KCNAB2: variants seen among roughly 807,000 people sequenced by gnomAD.
KCNAB2 encodes the protein potassium voltage-gated channel subfamily A regulatory beta subunit 2, also known as voltage-gated potassium channel subunit beta-2.
In KCNAB2, 29 loss-of-function variants were observed where a neutral mutation model predicts 63.6. The observed-to-expected ratio is 0.46, with a 90% CI of 0.34 to 0.62. The LOEUF (loss-of-function observed/expected upper bound fraction) is 0.62, where lower values mean the gene tolerates loss of function less well. KCNAB2 is among the 20% of genes least tolerant of loss of function. KCNAB2 has a pLI of 0.01. For missense variants in KCNAB2, 359 were observed against 563.9 expected (o/e 0.64, Z 3.68); for synonymous variants, 222 against 224.2 (o/e 0.99, Z 0.09).
chr1:6,014,211 CT>C (rs978104974), intron 1 of KCNAB2, among the ~76,000 whole-genome samples: 2 of 152,238 alleles, frequency 1.3e-5, no homozygotes, highest in Non-Finnish European at 1.5e-5. Context: ...GGGTGTCCTT[CT>C]CCTGCACCCA....
At chr1:6,043,712 T>TA (rs1182062411), upstream of KCNAB2, among the ~76,000 whole-genome samples, 1 of 152,212 alleles carries the variant, frequency 6.6e-6, no homozygotes, top group African/African-American at 2.4e-5. Flanking sequence ...TTCTTTCAGT[T>TA]ACTTAGGCCT....
upstream of KCNAB2, among the ~76,000 whole-genome samples, chr1:6,032,859 G>C (rs1439988681): frequency 3.3e-5 from 5 of 152,228 alleles, no homozygotes; most frequent in African/African-American, 1.2e-4. Flanking sequence ...CAGCAGGACA[G>C]ATGACCTAAA....
chr1:6,019,332 G>A (rs1295107), intron 1 of KCNAB2, among the ~76,000 whole-genome samples: 60,241 of 151,942 alleles, frequency 0.4, 12,214 homozygotes, highest in African/African-American at 0.48. Flanking sequence ...TGTAAAAACT[G>A]TTCTTAGCTC....
rs938877590 is a variant in KCNAB2, at chr1:6,099,908, G to A, written c.*1334G>A. 23 of 1,550,408 alleles carry A rather than the reference G, an allele frequency of 1.5e-5. No homozygotes were observed. The highest frequency in any genetic ancestry group is 1.8e-5 in the Non-Finnish European group (21 of 1,146,918). ...GGCAAGGGATGCCAGTAAGTCTGCA[G>A]GTGCGGGGTGCCACCTACAGGCCCA... On this transcript the variant is annotated 3_prime_UTR_variant, in exon 16 of 16. Coordinates refer to ENST00000378083, the MANE Select transcript of KCNAB2 (RefSeq NM_001199862.2).
rs1036565807 is a variant in KCNAB2 at position 6,099,764 on chromosome 1, T to G, written c.*1190T>G. On this transcript the variant is annotated 3_prime_UTR_variant, in exon 16 of 16. Coordinates refer to ENST00000378083, the MANE Select transcript of KCNAB2 (RefSeq NM_001199862.2). ...GAAAAGACCTCAGGGAACCTCTCCCTGGAAAGACGGGCAGGGCTGGTTAGC... is the reference window on the plus strand; with the variant it reads ...GAAAAGACCTCAGGGAACCTCTCCCGGGAAAGACGGGCAGGGCTGGTTAGC... 4 of 1,463,100 alleles carry G rather than the reference T, an allele frequency of 2.7e-6. No homozygotes were observed. In the African/African-American group the frequency reaches 5.7e-5, roughly 21 times the overall value. 90.6% of individuals were successfully genotyped at this position (1,463,100 alleles called of 1,614,324 possible).
intron 1 of KCNAB2, among the ~76,000 whole-genome samples, chr1:6,019,680 A>C (rs1658710985): frequency 6.6e-6 from 1 of 152,160 alleles, no homozygotes; most frequent in Non-Finnish European, 1.5e-5. Flanking sequence ...GCTGGCCTGT[A>C]AGGTTTGGCG....
chr1:6,099,835 G>GAGGGC lies in KCNAB2; in HGVS notation c.*1265_*1269dup. 1 of 1,540,742 alleles carries GAGGGC rather than the reference G, an allele frequency of 6.5e-7. No individual in the cohort carries two copies. Among genetic ancestry groups the GAGGGC allele is most frequent in the Non-Finnish European group, 8.8e-7 (1 of 1,142,036 alleles). Reference sequence around the variant, plus strand: ...TGGGACAGGCTGGGCAGAGGGGAGAGAGGGCAGGACAGGCCAGAGTGACGC... The same window carrying GAGGGC: ...TGGGACAGGCTGGGCAGAGGGGAGAGAGGGCAGGGCAGGACAGGCCAGAGTGACGC... On this transcript the variant is annotated 3_prime_UTR_variant, in exon 16 of 16. Coordinates refer to ENST00000378083, the MANE Select transcript of KCNAB2 (RefSeq NM_001199862.2).
intron 2 of KCNAB2, among the ~76,000 whole-genome samples, chr1:6,063,814 G>A (rs1431344208): frequency 6.6e-6 from 1 of 152,160 alleles, no homozygotes; most frequent in Non-Finnish European, 1.5e-5. Context: ...TCCAGTTTGG[G>A]GCTATTGTGA....
chr1:6,068,037 A>G (rs892629982), intron 2 of KCNAB2, among the ~76,000 whole-genome samples: 1 of 152,264 alleles, frequency 6.6e-6, no homozygotes. Context: ...TCTCAAAAAA[A>G]ATAAAGCTAG....
At position 6,069,698 on chromosome 1, in the gene KCNAB2, C is replaced by T. The variant is rs577609741; in HGVS notation, c.219-3057C>T. 2.6e-5 allele frequency among the ~76,000 whole-genome samples: 4 copies of T among 152,218 alleles called. No individual in the cohort carries two copies. The highest frequency in any genetic ancestry group is 5.9e-5 in the Non-Finnish European group (4 of 68,040). The stretch of plus-strand genomic sequence containing the variant: ...TGAGACGTGTGCTCCCCACCCCACA[C>T]GCAGCAGCCATGCTTACAAAGCGTT... On this transcript the variant is annotated intron_variant, in intron 2 of 15. Coordinates refer to ENST00000378083, the MANE Select transcript of KCNAB2 (RefSeq NM_001199862.2). The surrounding 1 kb of genome is among the most constrained non-coding windows in gnomAD (Gnocchi z 5.4).
chr1:6,090,925 G>A (rs1290769431), intron 9 of KCNAB2, among the ~76,000 whole-genome samples: 1 of 152,212 alleles, frequency 6.6e-6, no homozygotes, highest in African/African-American at 2.4e-5. Flanking sequence ...GAAGCGTTCA[G>A]CGCTTTGAAA....
At chr1:6,025,195 C>A (rs1345083455) in intron 1 of KCNAB2, among the ~76,000 whole-genome samples, 1 of 152,064 alleles carries the variant, frequency 6.6e-6, no homozygotes, top group African/African-American at 2.4e-5. Context: ...TTTATCCTGC[C>A]GGGAACACAC....
At chr1:6,043,233 T>G (rs2100476707), upstream of KCNAB2, among the ~76,000 whole-genome samples, 1 of 152,162 alleles carries the variant, frequency 6.6e-6, no homozygotes, top group Non-Finnish European at 1.5e-5. Context: ...TGAGGTCTGA[T>G]GAGCAGGCAG....
At chr1:6,068,145 C>T (rs1026440097) in intron 2 of KCNAB2, among the ~76,000 whole-genome samples, 30 of 152,204 alleles carry the variant, frequency 2.0e-4, no homozygotes, top group Admixed American at 5.2e-4. Context: ...GAGTTAAAAG[C>T]GGGACTATTT....
chr1:6,100,122 A>ACCC lies in KCNAB2; in HGVS notation c.*1549_*1551dup, dbSNP rs1665934767. The ACCC allele has an allele frequency of 1.4e-6, 2 of 1,430,352 alleles. No homozygotes were observed. Among genetic ancestry groups the ACCC allele is most frequent in the Non-Finnish European group, 1.8e-6 (2 of 1,088,904 alleles). 88.6% of individuals were successfully genotyped at this position (1,430,352 alleles called of 1,614,324 possible). On this transcript the variant is annotated 3_prime_UTR_variant, in exon 16 of 16. Transcript: ENST00000378083. Reference sequence around the variant, plus strand: ...AGGAGCCACTATTCCAGAAGGCTCCACCCTGCCGTCCTGCGGGAGCCTGCT... The same window carrying ACCC: ...AGGAGCCACTATTCCAGAAGGCTCCACCCCCCTGCCGTCCTGCGGGAGCCTGCT...
chr1:6,095,242 G>T, intron 11 of KCNAB2, 81 bp from the exon 12 acceptor site: 2 of 1,454,994 alleles, frequency 1.4e-6, no homozygotes, highest in Non-Finnish European at 9.3e-7. Flanking sequence ...GGGACACCTT[G>T]GTGCCCTCTC....
chr1:6,082,741 C>G (rs191987866), intron 5 of KCNAB2, among the ~76,000 whole-genome samples: 128 of 152,360 alleles, frequency 8.4e-4, no homozygotes, highest in African/African-American at 3.0e-3. Context: ...CTTCTTCAGC[C>G]AGGCTGTTGG....
chr1:6,017,722 C>T (rs1270077267), intron 1 of KCNAB2, among the ~76,000 whole-genome samples: 2 of 151,032 alleles, frequency 1.3e-5, no homozygotes, highest in Non-Finnish European at 2.9e-5. Context: ...ACCTGGGAGG[C>T]GGAGGTTGCA....
At chr1:6,077,662 G>T (rs1663787827) in intron 4 of KCNAB2, among the ~76,000 whole-genome samples, 1 of 152,176 alleles carries the variant, frequency 6.6e-6, no homozygotes, top group Admixed American at 6.5e-5. Flanking sequence ...AGCGGAGAGC[G>T]CCGAGCCCTT....
Sources: allele counts gnomAD v4.1 joint callset (sites outside exome capture counted in the v4.1 genomes callset), GRCh38; gene constraint gnomAD v4.1.1; non-coding constraint Gnocchi (gnomAD v3.1); transcripts MANE v1.5; gene names NCBI Gene and HGNC (gene_info 2026-07-23, HGNC 2026-07-21).